SPMIP6: variants seen among roughly 807,000 people sequenced by gnomAD.
The protein encoded by SPMIP6 is ciliated bronchial epithelial protein 1.
the SPMIP6 span, among the ~76,000 whole-genome samples, chr9:34,393,676 A>T: frequency 6.6e-6 from 1 of 151,934 alleles, no homozygotes; most frequent in Non-Finnish European, 1.5e-5. Context: ...ACTGTTCTTT[A>T]TGCTCTTTCC....
the SPMIP6 span, chr9:34,379,182 C>CTCTTCCTG: frequency 6.2e-7 from 1 of 1,603,802 alleles, no homozygotes. The surrounding 1 kb of genome is among the most constrained non-coding windows in gnomAD (Gnocchi z 4.2). Flanking sequence ...TGTGTCCCAT[C>CTCTTCCTG]TACAGGAAGA....
the SPMIP6 span, chr9:34,380,784 C>A: frequency 7.5e-4 from 1,152 of 1,542,574 alleles, 20 homozygotes; most frequent in South Asian, 0.012. Flanking sequence ...CAGCGCGGGG[C>A]TAGAGCAGGC....
the SPMIP6 span, chr9:34,379,729 A>G: frequency 1.9e-6 from 3 of 1,613,610 alleles, no homozygotes; most frequent in Non-Finnish European, 2.5e-6. The surrounding 1 kb of genome is among the most constrained non-coding windows in gnomAD (Gnocchi z 4.2). Context: ...AGGGAGGTAC[A>G]CATCTGGAGA....
At chr9:34,380,641 T>C in the SPMIP6 span, 1 of 1,524,510 alleles carries the variant, frequency 6.6e-7, no homozygotes, top group Non-Finnish European at 8.8e-7. Flanking sequence ...AGAGGCCAGG[T>C]TGACCTTGAG....
At chr9:34,383,554 C>T in the SPMIP6 span, among the ~76,000 whole-genome samples, 1 of 152,184 alleles carries the variant, frequency 6.6e-6, no homozygotes, top group Non-Finnish European at 1.5e-5. Flanking sequence ...GAATCTACTT[C>T]CTCTTCCAGT....
At chr9:34,392,584 G>A in the SPMIP6 span, among the ~76,000 whole-genome samples, 3 of 152,022 alleles carry the variant, frequency 2.0e-5, no homozygotes, top group African/African-American at 4.8e-5. The surrounding 1 kb of genome is among the most constrained non-coding windows in gnomAD (Gnocchi z 4.6). Context: ...TAGTGATATA[G>A]CATAAGGGAT....
the SPMIP6 span, chr9:34,379,152 C>T: frequency 6.2e-7 from 1 of 1,613,676 alleles, no homozygotes; most frequent in South Asian, 1.1e-5. The surrounding 1 kb of genome is among the most constrained non-coding windows in gnomAD (Gnocchi z 4.2). Context: ...CTGGGGACCA[C>T]CAGACTTCTT....
At chr9:34,397,256 T>C in the SPMIP6 span, among the ~76,000 whole-genome samples, 1 of 152,228 alleles carries the variant, frequency 6.6e-6, no homozygotes, top group Non-Finnish European at 1.5e-5. Flanking sequence ...TACAGTATTT[T>C]TGAAGAATTT....
At chr9:34,389,870 G>C in the SPMIP6 span, 2 of 150,996 alleles carry the variant, frequency 1.3e-5, no homozygotes, top group African/African-American at 4.9e-5. Flanking sequence ...AAATATTTGT[G>C]TTAAGAAATG....
the SPMIP6 span, among the ~76,000 whole-genome samples, chr9:34,384,155 A>T: frequency 6.6e-6 from 1 of 152,234 alleles, no homozygotes; most frequent in Non-Finnish European, 1.5e-5. Context: ...CAGTTTGCAC[A>T]TACTGAAACT....
chr9:34,395,848 G>T, the SPMIP6 span, among the ~76,000 whole-genome samples: 1 of 152,112 alleles, frequency 6.6e-6, no homozygotes, highest in Non-Finnish European at 1.5e-5. Context: ...ACCAAAATCT[G>T]TTCATCTACT....
the SPMIP6 span, among the ~76,000 whole-genome samples, chr9:34,388,891 T>C: frequency 6.6e-6 from 1 of 152,200 alleles, no homozygotes; most frequent in Admixed American, 6.5e-5. Context: ...TTATCTTTTC[T>C]GTTTGTGGCT....
the SPMIP6 span, chr9:34,385,716 A>C: frequency 6.2e-7 from 1 of 1,613,852 alleles, no homozygotes; most frequent in South Asian, 1.1e-5. Flanking sequence ...AGTCCTGTAC[A>C]GCACATTTGG....
At chr9:34,388,307 A>ATTT in the SPMIP6 span, among the ~76,000 whole-genome samples, 1,010 of 133,800 alleles carry the variant, frequency 7.5e-3, 8 homozygotes, top group African/African-American at 0.012. Context: ...CTCCCAGCTA[A>ATTT]TTTTTTTTTT....
At chr9:34,387,374 C>T in the SPMIP6 span, among the ~76,000 whole-genome samples, 2 of 152,186 alleles carry the variant, frequency 1.3e-5, no homozygotes, top group African/African-American at 4.8e-5. Context: ...TGCTCAGGGG[C>T]TTCTGGGATC....
the SPMIP6 span, chr9:34,379,205 G>A: frequency 2.1e-5 from 29 of 1,412,742 alleles, no homozygotes; most frequent in Admixed American, 3.0e-4. This position sits in a 1 kb window ranked among gnomAD's most constrained non-coding sequence, Gnocchi z 4.2. Flanking sequence ...TGGGTCAGCC[G>A]TTTTGGATCC....
the SPMIP6 span, among the ~76,000 whole-genome samples, chr9:34,390,759 A>G: frequency 6.6e-6 from 1 of 152,122 alleles, no homozygotes; most frequent in Non-Finnish European, 1.5e-5. Flanking sequence ...AGCTGGGACC[A>G]TAGGTGTGTG....
chr9:34,379,929 A>C, the SPMIP6 span, among the ~76,000 whole-genome samples: 13 of 152,108 alleles, frequency 8.5e-5, no homozygotes, highest in Non-Finnish European at 1.9e-4. This position sits in a 1 kb window ranked among gnomAD's most constrained non-coding sequence, Gnocchi z 4.2. Context: ...CCCTCCCGGC[A>C]AGGCCTCATT....
the SPMIP6 span, chr9:34,381,055 C>T: frequency 6.2e-7 from 1 of 1,611,936 alleles, no homozygotes; most frequent in South Asian, 1.1e-5. The surrounding 1 kb of genome is among the most constrained non-coding windows in gnomAD (Gnocchi z 4.4). Context: ...GGTCCACGCA[C>T]CCGCATCGGG....
Sources: allele counts gnomAD v4.1 joint callset (sites outside exome capture counted in the v4.1 genomes callset), GRCh38; gene constraint gnomAD v4.1.1; non-coding constraint Gnocchi (gnomAD v3.1); transcripts MANE v1.5; gene names NCBI Gene and HGNC (gene_info 2026-07-23, HGNC 2026-07-21).